GPC6: variants seen among roughly 807,000 people sequenced by gnomAD.
GPC6 encodes glypican-6.
GPC6 carries 14 observed loss-of-function variants against 55.2 expected under a neutral mutation model. The observed-to-expected ratio is 0.25, with a 90% confidence interval of 0.17 to 0.40. The LOEUF is 0.40. Among genes scored for constraint, GPC6 ranks in the 10% least tolerant of loss-of-function variants. The probability of loss-of-function intolerance (pLI) is 1.00; values close to 1 mark genes in which losing one functional copy is unlikely to be tolerated. For synonymous variants in GPC6, 278 were observed against 259.6 expected (o/e 1.07, Z -0.68); for missense variants, 641 against 708.5 (o/e 0.90, Z 1.08).
At chr13:93,709,654 A>G (rs1275441605) in intron 2 of GPC6, among the ~76,000 whole-genome samples, 1 of 151,780 alleles carries the variant, frequency 6.6e-6, no homozygotes, top group Non-Finnish European at 1.5e-5. Context: ...AAATTCAGAA[A>G]GAGATTTGGA....
intron 3 of GPC6, among the ~76,000 whole-genome samples, chr13:93,869,247 A>AC (rs1889056750): frequency 6.6e-6 from 1 of 151,876 alleles, no homozygotes; most frequent in East Asian, 2.0e-4. Flanking sequence ...AACAGGTTCA[A>AC]ATCAGTATAG....
intron 1 of GPC6, among the ~76,000 whole-genome samples, chr13:93,437,162 AC>A (rs1877603928): frequency 6.6e-6 from 1 of 152,140 alleles, no homozygotes; most frequent in Non-Finnish European, 1.5e-5. Flanking sequence ...TGACCGCTCC[AC>A]CAACTGTCCA....
At chr13:93,693,178 G>A (rs1882319285) in intron 2 of GPC6, among the ~76,000 whole-genome samples, 1 of 152,006 alleles carries the variant, frequency 6.6e-6, no homozygotes, top group African/African-American at 2.4e-5. Flanking sequence ...CACTAGTCAA[G>A]GGCTCTCCAA....
chr13:93,729,062 C>G (rs1883739057), intron 2 of GPC6, among the ~76,000 whole-genome samples: 1 of 152,000 alleles, frequency 6.6e-6, no homozygotes, highest in Non-Finnish European at 1.5e-5. Flanking sequence ...ATAATAAATC[C>G]TTAAAGGCTG....
intron 3 of GPC6, among the ~76,000 whole-genome samples, chr13:93,946,254 G>T (rs983719429): frequency 4.6e-5 from 7 of 152,156 alleles, no homozygotes; most frequent in African/African-American, 1.4e-4. Context: ...ATAGGTAGTG[G>T]TAAAATGTAA....
intron 1 of GPC6, among the ~76,000 whole-genome samples, chr13:93,526,303 T>C (rs7982284): frequency 0.057 from 8,661 of 152,010 alleles, 796 homozygotes; most frequent in African/African-American, 0.2. Context: ...GACATGTAAA[T>C]GAATGTCAAC....
At chr13:93,687,246 C>T (rs1332574909) in intron 2 of GPC6, among the ~76,000 whole-genome samples, 2 of 152,034 alleles carry the variant, frequency 1.3e-5, no homozygotes, top group African/African-American at 4.8e-5. Flanking sequence ...ATTTTCTAAT[C>T]AATTCTGTCC....
intron 4 of GPC6, among the ~76,000 whole-genome samples, chr13:94,137,717 A>C (rs563242375): frequency 8.5e-5 from 13 of 152,284 alleles, no homozygotes; most frequent in African/African-American, 3.1e-4. Flanking sequence ...CCTACCTAAA[A>C]ACTTCCTTAA....
At chr13:93,353,309 G>A (rs1880698330) in intron 1 of GPC6, among the ~76,000 whole-genome samples, 1 of 152,170 alleles carries the variant, frequency 6.6e-6, no homozygotes, top group Non-Finnish European at 1.5e-5. Context: ...AGAAAACAGT[G>A]AGTCTGAGGA....
At chr13:93,260,155 G>C (rs1443807076) in intron 1 of GPC6, among the ~76,000 whole-genome samples, 1 of 152,072 alleles carries the variant, frequency 6.6e-6, no homozygotes, top group Non-Finnish European at 1.5e-5. Context: ...GTATAACTTA[G>C]TGATCACTTA....
intron 3 of GPC6, among the ~76,000 whole-genome samples, chr13:93,979,763 G>A (rs1304659223): frequency 3.3e-5 from 5 of 151,978 alleles, no homozygotes; most frequent in East Asian, 1.9e-4. Flanking sequence ...TAGCTGCCTC[G>A]TATAGGACAG....
intron 2 of GPC6, among the ~76,000 whole-genome samples, chr13:93,691,791 G>A (rs909513923): frequency 1.3e-5 from 2 of 151,964 alleles, no homozygotes; most frequent in African/African-American, 4.8e-5. Context: ...CTTTAAAAAG[G>A]ATCTTATATG....
At chr13:93,770,210 T>C (rs1372279387) in intron 2 of GPC6, among the ~76,000 whole-genome samples, 2 of 152,170 alleles carry the variant, frequency 1.3e-5, no homozygotes, top group Non-Finnish European at 2.9e-5. Flanking sequence ...TATTTTTGCA[T>C]ATTTTTTAGT....
At chr13:93,724,637 A>G (rs1883565475) in intron 2 of GPC6, among the ~76,000 whole-genome samples, 1 of 152,022 alleles carries the variant, frequency 6.6e-6, no homozygotes, top group Non-Finnish European at 1.5e-5. Flanking sequence ...TAATGCCCAG[A>G]TTTAGAAGTA....
At chr13:94,340,791 G>A (rs759449720) in intron 6 of GPC6, among the ~76,000 whole-genome samples, 4 of 152,216 alleles carry the variant, frequency 2.6e-5, no homozygotes, top group South Asian at 4.1e-4. Flanking sequence ...AATGAAAAAT[G>A]AGAAAAGGAT....
chr13:93,900,174 A>G (rs987281338), intron 3 of GPC6, among the ~76,000 whole-genome samples: 1 of 152,080 alleles, frequency 6.6e-6, no homozygotes, highest in African/African-American at 2.4e-5. Flanking sequence ...AAGTGACTTA[A>G]GAATCTTCAG....
At chr13:94,344,974 C>T (rs1878216773) in intron 6 of GPC6, among the ~76,000 whole-genome samples, 1 of 152,132 alleles carries the variant, frequency 6.6e-6, no homozygotes, top group South Asian at 2.1e-4. Flanking sequence ...CAAGAAATTT[C>T]CTTTTTTGGA....
intron 1 of GPC6, among the ~76,000 whole-genome samples, chr13:93,442,539 G>A (rs779323178): frequency 4.5e-4 from 68 of 152,096 alleles, no homozygotes; most frequent in Non-Finnish European, 7.2e-4. Flanking sequence ...TAAATTCTAA[G>A]GAAGCATGAG....
At chr13:93,764,109 C>T (rs201309199) in intron 2 of GPC6, among the ~76,000 whole-genome samples, 1 of 152,132 alleles carries the variant, frequency 6.6e-6, no homozygotes, top group Admixed American at 6.5e-5. Flanking sequence ...AGATACTCCT[C>T]TTAATTTAGA....
Sources: gnomAD v4.1 joint callset for allele counts (sites outside exome capture counted in the v4.1 genomes callset) on GRCh38, gnomAD v4.1.1 for gene constraint, MANE v1.5 for transcripts, NCBI Gene and HGNC (gene_info 2026-07-23, HGNC 2026-07-21) for gene names.